Variants in HECTD3 observed in about 807,000 individuals in gnomAD.
HECTD3 encodes HECT domain E3 ubiquitin protein ligase 3.
A neutral mutation model predicts 109.3 loss-of-function variants in HECTD3; 72 were observed. The observed-to-expected ratio is 0.66, with a 90% CI of 0.54 to 0.80. HECTD3 has a LOEUF of 0.80. Among genes scored for constraint, HECTD3 ranks in the 30% least tolerant of loss-of-function variants. The pLI is 0.00. For synonymous variants in HECTD3, 481 were observed against 471.8 expected, an observed-to-expected ratio of 1.02 and a Z score of -0.25; for missense variants, 1,041 against 1,165.2, an observed-to-expected ratio of 0.89 and a Z score of 1.55.
In HECTD3 at chr1:45,003,617, C is replaced by T. The variant is rs1644709621; in HGVS notation, c.2502-41G>A. 1 of 1,613,394 alleles carries T rather than the reference C, an allele frequency of 6.2e-7. No individual in the cohort carries two copies. The highest frequency in any genetic ancestry group is 1.1e-5 in the South Asian group (1 of 91,066). ...CTTGGTCAGGTCCCTACATCGCTAC[C>T]AGGGGTGATGGGGTCCCCTGGGCCC... On this transcript the variant is annotated intron_variant, in intron 20 of 20. Coordinates refer to ENST00000372172, the MANE Select transcript of HECTD3 (RefSeq NM_024602.6). The surrounding 1 kb of genome is among the most constrained non-coding windows in gnomAD (Gnocchi z 4.7).
At chr1:45,005,570 G>A (rs1174301538) in intron 15 of HECTD3, 5 of 421,038 alleles carry the variant, frequency 1.2e-5, no homozygotes, top group East Asian at 1.1e-4. Flanking sequence ...TGGGGCAAAC[G>A]TCGAGGGTAC....
Position 45,010,490 on chromosome 1 carries a change from C to T in HECTD3, c.530+56G>A, listed in dbSNP as rs538959258. On this transcript the variant is annotated intron_variant, in intron 2 of 20. Transcript: ENST00000372172. ...CCCCAGGCTGTGGCTGAAGTGTTCC[C>T]AAGCCCTCCTGGCCCGGCCTTCTGA... The T allele has an allele frequency of 1.2e-3, 1,878 of 1,604,694 alleles. 1 individual carries two copies. The highest frequency in any genetic ancestry group is 1.5e-3 in the Non-Finnish European group (1,783 of 1,175,240).
Position 45,009,659 on chromosome 1 carries a change from T to A in HECTD3, c.784A>T (p.Thr262Ser). 6.2e-7 allele frequency: 1 copy of A among 1,614,006 alleles called. No individual in the cohort carries two copies. The highest frequency in any genetic ancestry group is 8.5e-7 in the Non-Finnish European group (1 of 1,179,928). The stretch of plus-strand genomic sequence containing the variant: ...CAGTAGGTATCGGCATTGCTGTCTG[T>A]CAGGCAGGACACGTTGAACTCCTCC... ...YTEEFNVSCL[T>S]DSNADTYWES... Residue 262 changes from threonine to serine, a missense_variant, in exon 5 of 21, where the codon ACA (threonine) becomes TCA (serine). Transcript: ENST00000372172.
chr1:45,007,377 T>C, intron 10 of HECTD3, 36 bp downstream of exon 10: 2 of 1,612,338 alleles, frequency 1.2e-6, no homozygotes, highest in Non-Finnish European at 1.7e-6. Context: ...GGCCCTTGAC[T>C]GATCCTATCT....
chr1:45,002,881 T>G lies in HECTD3; in HGVS notation c.*611A>C, dbSNP rs1342660778. 1 of 154,534 alleles carries G rather than the reference T, an allele frequency of 6.5e-6. No individual in the cohort carries two copies. Among genetic ancestry groups the G allele is most frequent in the Non-Finnish European group, 1.4e-5 (1 of 69,534 alleles). 9.6% of individuals were successfully genotyped at this position (154,534 alleles called of 1,614,324 possible). A position where few individuals can be genotyped will look rare whatever the true frequency, so the allele number is the denominator to read the frequency against. ...TCTGAGTCAGGGAAGGTGGTGGCACTTTGTGTGTTGAGACTGGGTTGGTAG... is the reference window on the plus strand; with the variant it reads ...TCTGAGTCAGGGAAGGTGGTGGCACGTTGTGTGTTGAGACTGGGTTGGTAG... On this transcript the variant is annotated 3_prime_UTR_variant, in exon 21 of 21. Transcript: ENST00000372172.
In HECTD3 at chr1:45,011,207, C is replaced by T. The variant is rs1644790436; in HGVS notation, c.51G>A (p.Leu17=). Residue 17 remains leucine (L), a synonymous_variant, in exon 1 of 21, where the codon CTG becomes CTA. Transcript: ENST00000372172. ...CCTCTGCCAAGAAGCGCACGCGGCC[C>T]AGCAGCTGCCGGGGGGACTCCAGCA... ...GAVLESPRQL[L]GRVRFLAEAA... 6.9e-7 allele frequency: 1 copy of T among 1,439,014 alleles called. No homozygotes were observed. The highest frequency in any genetic ancestry group is 2.8e-5 in the Admixed American group (1 of 35,234). 89.1% of individuals were successfully genotyped at this position (1,439,014 alleles called of 1,614,324 possible). A position where few individuals can be genotyped will look rare whatever the true frequency, so the allele number is the denominator to read the frequency against.
In HECTD3 at chr1:45,003,542, C is replaced by A. The variant is rs1306906733; in HGVS notation, c.2536G>T (p.Ala846Ser). ...KVCEEKLRYA[A>S]YNCVAIDTDM... ...GTGTCGATGGCCACGCAGTTGTAGG[C>A]CGCATAGCGGAGCTTCTCCTCGCAT... The change falls in exon 21 of 21, where the codon GCC (alanine) becomes TCC (serine). Residue 846 changes from alanine (A) to serine (S), a missense_variant. Physicochemically the swap from Ala to Ser is moderately conservative, Grantham distance 99. Coordinates refer to ENST00000372172, the MANE Select transcript of HECTD3 (RefSeq NM_024602.6). The surrounding 1 kb of genome is among the most constrained non-coding windows in gnomAD (Gnocchi z 4.7). 1 of 1,614,232 alleles carries A rather than the reference C, an allele frequency of 6.2e-7. No individual in the cohort carries two copies. Among genetic ancestry groups the A allele is most frequent in the Non-Finnish European group, 8.5e-7 (1 of 1,180,044 alleles).
intron 8 of HECTD3, 42 bp downstream of exon 8, chr1:45,008,494 T>G: frequency 6.3e-7 from 1 of 1,597,420 alleles, no homozygotes; most frequent in East Asian, 2.2e-5. Flanking sequence ...AGGCTCAATG[T>G]TGGGGGAAGG....
rs35657340 is a variant in HECTD3 at position 45,003,191 on chromosome 1, G to GC, written c.*300dup. Reference sequence around the variant, plus strand: ...AGTCCATGGGTTGGGGACCTAGATGGCCCCCTTCAAGTAGCTCAGGCCTGG... The same window carrying GC: ...AGTCCATGGGTTGGGGACCTAGATGGCCCCCCTTCAAGTAGCTCAGGCCTGG... On this transcript the variant is annotated 3_prime_UTR_variant, in exon 21 of 21. Coordinates refer to ENST00000372172, the MANE Select transcript of HECTD3 (RefSeq NM_024602.6). The surrounding 1 kb of genome is among the most constrained non-coding windows in gnomAD (Gnocchi z 4.7). 3 of 401,746 alleles carry GC rather than the reference G, an allele frequency of 7.5e-6. No individual in the cohort carries two copies. The Admixed American group carries it at 1.1e-4, about 15-fold the overall frequency. 24.9% of individuals were successfully genotyped at this position (401,746 alleles called of 1,614,324 possible). A position where few individuals can be genotyped will look rare whatever the true frequency, so the allele number is the denominator to read the frequency against.
chr1:45,011,223 G>A lies in HECTD3; in HGVS notation c.35C>T (p.Ser12Phe), dbSNP rs549377202. 2.4e-3 allele frequency: 3,474 copies of A among 1,420,010 alleles called. 3 individuals carry two copies. Among genetic ancestry groups the A allele is most frequent in the Non-Finnish European group, 2.9e-3 (3,166 of 1,095,434 alleles). The allele number at this position is 1,420,010 out of a possible 1,614,324, so 88.0% of individuals were successfully genotyped here. A position where few individuals can be genotyped will look rare whatever the true frequency, so the allele number is the denominator to read the frequency against. ...CACGCGGCCCAGCAGCTGCCGGGGG[G>A]ACTCCAGCACCGCGCCCGGGCCAGG... is the stretch of plus-strand genomic sequence containing the variant. ...AGPGPGAVLE[S>F]PRQLLGRVRF... The change falls in exon 1 of 21, where the codon TCC (serine) becomes TTC (phenylalanine). Residue 12 changes from serine to phenylalanine, a missense_variant. Ser to Phe is a radical substitution (Grantham distance 155). Around this residue, in one of 2 missense-constraint regions of HECTD3, gnomAD observed 472 missense variants for 449.9 expected, o/e 1.05. Transcript: ENST00000372172.
chr1:45,011,324 C>T lies in HECTD3; in HGVS notation c.-67G>A. On this transcript the variant is annotated 5_prime_UTR_variant, in exon 1 of 21. Transcript: ENST00000372172. ...GGGGAACAGCTGGCGCGACCGCGGA[C>T]AGAGCTTCCCACCACGCCCTTCCCC... 7.4e-7 allele frequency: 1 copy of T among 1,346,368 alleles called. No homozygotes were observed. The highest frequency in any genetic ancestry group is 2.8e-4 in the Middle Eastern group (1 of 3,622). 83.4% of individuals were successfully genotyped at this position (1,346,368 alleles called of 1,614,324 possible).
chr1:45,007,436 A>C lies in HECTD3; in HGVS notation c.1480T>G (p.Cys494Gly). ...ACCTGGGTGAAGACTGCATTCTTGC[A>C]GGCAGGGTCTCGAGAGGGGCAGGCA... ...HRACPSRDPA[C>G]KNAVFTQVYE... The change falls in exon 10 of 21, where the codon TGC becomes GGC. Residue 494 changes from cysteine (C) to glycine (G), a missense_variant. Coordinates refer to ENST00000372172, the MANE Select transcript of HECTD3 (RefSeq NM_024602.6). 6.2e-7 allele frequency: 1 copy of C among 1,614,150 alleles called. No homozygotes were observed. Among genetic ancestry groups the C allele is most frequent in the African/African-American group, 1.3e-5 (1 of 75,042 alleles).
intron 9 of HECTD3, among the ~76,000 whole-genome samples, chr1:45,007,856 C>T (rs1271579372): frequency 6.6e-6 from 1 of 152,158 alleles, no homozygotes; most frequent in Non-Finnish European, 1.5e-5. Flanking sequence ...CACAGCCTGG[C>T]CCACAGGGCC....
intron 2 of HECTD3, 23 bp from the exon 3 acceptor site, chr1:45,010,316 G>A: frequency 6.2e-7 from 1 of 1,605,822 alleles, no homozygotes; most frequent in Non-Finnish European, 8.5e-7. Context: ...AGTAGGGAGT[G>A]GGATGGGGAG....
Position 45,004,659 on chromosome 1 carries a change from C to A in HECTD3, c.2083G>T (p.Asp695Tyr), listed in dbSNP as rs1557727089. The A allele has an allele frequency of 2.5e-6, 4 of 1,614,188 alleles. No individual in the cohort carries two copies. Among genetic ancestry groups the A allele is most frequent in the Non-Finnish European group, 3.4e-6 (4 of 1,180,028 alleles). ...GGAGIVVGYG[D>Y]RSRFIQLVQK... ...ACCAGTTGGATGAAACGAGAACGGT[C>A]CCCATATCCCACGACGATGCCTGCA... Residue 695 changes from aspartate (D) to tyrosine (Y), a missense_variant, in exon 16 of 21, where the codon GAC (aspartate) becomes TAC (tyrosine). This residue lies in a region of HECTD3 where 569 missense variants were observed against 715.3 expected (regional missense o/e 0.80). Coordinates refer to ENST00000372172, the MANE Select transcript of HECTD3 (RefSeq NM_024602.6).
At chr1:45,008,417 G>A in intron 8 of HECTD3, 96 bp from the exon 9 acceptor site, 1 of 1,483,650 alleles carries the variant, frequency 6.7e-7, no homozygotes, top group Non-Finnish European at 9.4e-7. Context: ...CAGGACCTGG[G>A]GGCTTCTCTG....
chr1:45,009,489 G>A lies in HECTD3; in HGVS notation c.876-7C>T, dbSNP rs1299991999. The A allele has an allele frequency of 3.1e-6, 5 of 1,611,812 alleles. 1 individual carries two copies. In the South Asian group the frequency reaches 4.4e-5, roughly 14 times the overall value. ...CACTGTGAGTAGCAGCTTCCTGAAG[G>A]GTCAGAGTGTGAATATGAGTCTTTG... On this transcript the variant is annotated splice_region_variant and splice_polypyrimidine_tract_variant and intron_variant, in intron 5 of 20. Transcript: ENST00000372172.
chr1:45,003,707 G>C lies in HECTD3; in HGVS notation c.2463C>G (p.Ser821=). The C allele has an allele frequency of 6.2e-7, 1 of 1,614,094 alleles. No individual in the cohort carries two copies. Among genetic ancestry groups the C allele is most frequent in the Non-Finnish European group, 8.5e-7 (1 of 1,180,000 alleles). The change falls in exon 20 of 21, where the codon TCC becomes TCG. Residue 821 remains serine, a synonymous_variant. Coordinates refer to ENST00000372172, the MANE Select transcript of HECTD3 (RefSeq NM_024602.6). The surrounding 1 kb of genome is among the most constrained non-coding windows in gnomAD (Gnocchi z 4.7). ...GCAGGAAGAGGGTGCTGGAGCAAGT[G>C]GAAGACTCGGGCAGCGCGTCTGTGG... ...YETTDALPES[S]TCSSTLFLPH...
At chr1:45,008,146 C>T (rs1644752399) in intron 9 of HECTD3, 94 bp downstream of exon 9, 5 of 965,594 alleles carry the variant, frequency 5.2e-6, no homozygotes, top group Non-Finnish European at 8.0e-6. Flanking sequence ...AAGGTCTTGC[C>T]CTAGAGTAGA....
Sources: allele counts gnomAD v4.1 joint callset (sites outside exome capture counted in the v4.1 genomes callset), GRCh38; gene constraint gnomAD v4.1.1; regional missense constraint gnomAD v4.1.1; non-coding constraint Gnocchi (gnomAD v3.1); transcripts MANE v1.5; gene names NCBI Gene and HGNC (gene_info 2026-07-23, HGNC 2026-07-21).